MYH10: variants seen among roughly 807,000 people sequenced by gnomAD.
MYH10 encodes myosin heavy chain 10.
A neutral mutation model predicts 257.8 loss-of-function variants in MYH10; 55 were observed. The observed-to-expected ratio is 0.21, with a 90% confidence interval of 0.17 to 0.27. MYH10 has a LOEUF of 0.27. Ranked by LOEUF, MYH10 falls within the 10% of genes least tolerant of loss-of-function variation. MYH10 has a pLI of 1.00. For synonymous variants in MYH10, 854 were observed against 921.7 expected, an observed-to-expected ratio of 0.93 and a Z score of 1.33; for missense variants, 1,631 against 2,500.6, an observed-to-expected ratio of 0.65 and a Z score of 7.42.
chr17:8,518,914 A>C lies in MYH10; in HGVS notation c.2310T>G (p.Gly770=). 1.2e-6 allele frequency: 2 copies of C among 1,608,728 alleles called. No individual in the cohort carries two copies. The highest frequency in any genetic ancestry group is 1.7e-6 in the Non-Finnish European group (2 of 1,176,594). The change falls in exon 20 of 43, where the codon GGT becomes GGG. Residue 770 remains glycine, a synonymous_variant. Coordinates refer to ENST00000360416, the MANE Select transcript of MYH10 (RefSeq NM_001256012.3). ...EILTPNAIPK[G]FMDGKQACER... ...CACAGGCCTGTTTACCATCCATAAA[A>C]CCTTTAGGAATAGCATTTGGAGTTA...
At chr17:8,522,744 C>T (rs1567843882) in intron 17 of MYH10, among the ~76,000 whole-genome samples, 1 of 152,238 alleles carries the variant, frequency 6.6e-6, no homozygotes, top group Admixed American at 6.5e-5. Context: ...ACTAACTTCC[C>T]AGTGTGTAGC....
chr17:8,487,607 A>C lies in MYH10; in HGVS notation c.4885-13T>G, dbSNP rs1915078808. On this transcript the variant is annotated splice_polypyrimidine_tract_variant and intron_variant, in intron 35 of 42. Transcript: ENST00000360416. Reference sequence around the variant, plus strand: ...CGAGCTCCCGCACCTAATGGACAACATCGGGTTATGCTGGGTTACATCCAA... The same window carrying C: ...CGAGCTCCCGCACCTAATGGACAACCTCGGGTTATGCTGGGTTACATCCAA... 1 of 1,614,014 alleles carries C rather than the reference A, an allele frequency of 6.2e-7. No homozygotes were observed.
At chr17:8,608,842 C>T (rs796392376) in intron 2 of MYH10, among the ~76,000 whole-genome samples, 90 of 146,466 alleles carry the variant, frequency 6.1e-4, no homozygotes, top group African/African-American at 2.3e-3. Flanking sequence ...GACGGAGTCT[C>T]GCTCTGTCGC....
At chr17:8,486,617 G>T (rs896572891) in intron 36 of MYH10, among the ~76,000 whole-genome samples, 1 of 146,172 alleles carries the variant, frequency 6.8e-6, no homozygotes, top group African/African-American at 2.6e-5. Context: ...ACCCAGAGAT[G>T]ACTTTCCCTC....
At chr17:8,555,182 G>T (rs2082754358) in intron 7 of MYH10, among the ~76,000 whole-genome samples, 1 of 151,970 alleles carries the variant, frequency 6.6e-6, no homozygotes, top group African/African-American at 2.4e-5. Context: ...GATCAAGAAT[G>T]GTTTATTCTA....
At chr17:8,542,459 C>G (rs769004203) in intron 13 of MYH10, among the ~76,000 whole-genome samples, 179 bp from the exon 14 acceptor site, 1 of 152,162 alleles carries the variant, frequency 6.6e-6, no homozygotes, top group African/African-American at 2.4e-5. Context: ...CAATCCCTCT[C>G]TCACACACAG....
At chr17:8,564,054 T>A (rs1356286545) in intron 7 of MYH10, among the ~76,000 whole-genome samples, 5 of 152,248 alleles carry the variant, frequency 3.3e-5, no homozygotes, top group African/African-American at 1.2e-4. Context: ...AAAGTTTCAT[T>A]ATGAGAGATT....
At position 8,499,253 on chromosome 17, in the gene MYH10, G is replaced by A. The variant is rs201429039; in HGVS notation, c.3951+17C>T. 622 of 1,577,002 alleles carry A rather than the reference G, an allele frequency of 3.9e-4. No individual in the cohort carries two copies. The highest frequency in any genetic ancestry group is 1.4e-3 in the Admixed American group (80 of 57,700). ...TGCTACAGTGGGACGTGTGTAGAGCGGAGGTTTCTGGCTTACCTGCAGCTT... is the reference window on the plus strand; with the variant it reads ...TGCTACAGTGGGACGTGTGTAGAGCAGAGGTTTCTGGCTTACCTGCAGCTT... On this transcript the variant is annotated intron_variant, in intron 30 of 42. Transcript: ENST00000360416.
At chr17:8,508,102 T>C (rs2081134288) in intron 26 of MYH10, among the ~76,000 whole-genome samples, 1 of 152,146 alleles carries the variant, frequency 6.6e-6, no homozygotes, top group South Asian at 2.1e-4. Context: ...TGTAGTGCGG[T>C]TGCATGATCA....
At chr17:8,613,241 C>CA (rs896552961) in intron 2 of MYH10, among the ~76,000 whole-genome samples, 2 of 151,736 alleles carry the variant, frequency 1.3e-5, no homozygotes, top group South Asian at 2.1e-4. Context: ...CAGCAAAAAC[C>CA]AAAAAAACTT....
chr17:8,492,387 C>T lies in MYH10; in HGVS notation c.4581G>A (p.Leu1527=), dbSNP rs776998285. The T allele has an allele frequency of 6.2e-7, 1 of 1,613,784 alleles. No individual in the cohort carries two copies. The highest frequency in any genetic ancestry group is 8.5e-7 in the Non-Finnish European group (1 of 1,180,032). Residue 1527 remains leucine, a synonymous_variant, in exon 34 of 43, where the codon CTG becomes CTA. Transcript: ENST00000360416. ...LSLARALEEA[L]EAKEEFERQN... ...GCCTCTCAAACTCCTCCTTGGCCTC[C>T]AGGGCTTCCTCGAGGGCCCGGGCCA... is the stretch of plus-strand genomic sequence containing the variant.
In MYH10 at chr17:8,535,959, C is replaced by T. The variant is rs1435406365; in HGVS notation, c.1606-28G>A. The T allele has an allele frequency of 6.3e-7, 1 of 1,599,646 alleles. No individual in the cohort carries two copies. Among genetic ancestry groups the T allele is most frequent in the Non-Finnish European group, 8.5e-7 (1 of 1,170,772 alleles). ...GATAATGACAGGCAATAAGAATTCA[C>T]AAGTTTTGCATGCCACTTTAATACT... is the stretch of plus-strand genomic sequence containing the variant. On this transcript the variant is annotated intron_variant, in intron 14 of 42. Transcript: ENST00000360416. The surrounding 1 kb of genome is among the most constrained non-coding windows in gnomAD (Gnocchi z 4.3).
Position 8,506,971 on chromosome 17 carries a change from T to G in MYH10, c.3215-482A>C, listed in dbSNP as rs2081093872. 6.6e-6 allele frequency among the ~76,000 whole-genome samples: 1 copy of G among 152,188 alleles called. No homozygotes were observed. The highest frequency in any genetic ancestry group is 1.5e-5 in the Non-Finnish European group (1 of 68,040). ...AAGAGTGGGCAGAGAGGGCCAGGCC[T>G]TTTCTCCACCCTCCCCTCTAAAATT... On this transcript the variant is annotated intron_variant, in intron 26 of 42. Coordinates refer to ENST00000360416, the MANE Select transcript of MYH10 (RefSeq NM_001256012.3). The surrounding 1 kb of genome is among the most constrained non-coding windows in gnomAD (Gnocchi z 5.0).
intron 27 of MYH10, 118 bp from the exon 28 acceptor site, chr17:8,505,024 C>T: frequency 3.7e-6 from 3 of 817,054 alleles, no homozygotes; most frequent in South Asian, 3.2e-5. Context: ...CATCCCTCCT[C>T]CTGGGGCCTG....
At chr17:8,516,761 T>C (rs1010387306) in intron 21 of MYH10, among the ~76,000 whole-genome samples, 1 of 152,242 alleles carries the variant, frequency 6.6e-6, no homozygotes, top group Non-Finnish European at 1.5e-5. Flanking sequence ...ATGTTAGGCA[T>C]TCTGCAGTTC....
chr17:8,560,460 C>T (rs2082951728), intron 7 of MYH10: 2 of 434,254 alleles, frequency 4.6e-6, no homozygotes, highest in Non-Finnish European at 8.8e-6. Flanking sequence ...AAGCCACCTG[C>T]CTCTAGCCAT....
At chr17:8,616,465 AATG>A (rs1821516866) in intron 2 of MYH10, among the ~76,000 whole-genome samples, 1 of 152,152 alleles carries the variant, frequency 6.6e-6, no homozygotes, top group Non-Finnish European at 1.5e-5. Context: ...ATTTCTACAT[AATG>A]ATAACAATTA....
Position 8,570,339 on chromosome 17 carries a change from C to A in MYH10, c.664-527G>T, listed in dbSNP as rs532402089. Among the ~76,000 whole-genome samples, 6 of 152,220 alleles carry A rather than the reference C, an allele frequency of 3.9e-5. No individual in the cohort carries two copies. The South Asian group carries it at 8.3e-4, about 21-fold the overall frequency. ...CTCCACTTTCAGAGGATGGTAAAGA[C>A]GTTGATGCTGCTAACTTGCTCAGAT... On this transcript the variant is annotated intron_variant, in intron 6 of 42. Coordinates refer to ENST00000360416, the MANE Select transcript of MYH10 (RefSeq NM_001256012.3).
chr17:8,484,338 A>G (rs1914394352), intron 36 of MYH10, 72 bp from the exon 37 acceptor site: 1 of 1,468,670 alleles, frequency 6.8e-7, no homozygotes, highest in Non-Finnish European at 9.2e-7. Flanking sequence ...TTTTTTAGAG[A>G]TGAGCCCTGG....
Sources: gnomAD v4.1 joint callset for allele counts (sites outside exome capture counted in the v4.1 genomes callset) on GRCh38, gnomAD v4.1.1 for gene constraint, Gnocchi (gnomAD v3.1) non-coding constraint, MANE v1.5 for transcripts, NCBI Gene and HGNC (gene_info 2026-07-23, HGNC 2026-07-21) for gene names.